The following ROBO2 variants were observed in gnomAD, a reference collection of about 807,000 sequenced individuals.
ROBO2 encodes roundabout guidance receptor 2.
ROBO2 carries 53 observed loss-of-function variants against 160.8 expected under a neutral mutation model. That is an observed-to-expected ratio of 0.33 (90% CI 0.26 to 0.41). ROBO2 has a LOEUF of 0.41. Ranked by LOEUF, ROBO2 falls within the 10% of genes least tolerant of loss-of-function variation. The probability of loss-of-function intolerance (pLI) is 1.00; values close to 1 mark genes in which losing one functional copy is unlikely to be tolerated. For missense variants in ROBO2, 1,577 were observed against 1,722.4 expected (o/e 0.92, Z 1.49); for synonymous variants, 664 against 611.7 (o/e 1.09, Z -1.26).
chr3:76,623,777 C>T (rs2089410378), intron 2 of ROBO2, among the ~76,000 whole-genome samples: 1 of 152,126 alleles, frequency 6.6e-6, no homozygotes, highest in Admixed American at 6.6e-5. Context: ...ATTATCTCAA[C>T]TTTGTAATGT....
intron 2 of ROBO2, among the ~76,000 whole-genome samples, chr3:76,724,537 T>G (rs1576249224): frequency 6.6e-6 from 1 of 152,296 alleles, no homozygotes; most frequent in Admixed American, 6.5e-5. Context: ...ATTCAGAAAT[T>G]TATGATGCCA....
At chr3:76,305,460 G>T (rs2107757881) in intron 2 of ROBO2, among the ~76,000 whole-genome samples, 1 of 127,784 alleles carries the variant, frequency 7.8e-6, no homozygotes, top group South Asian at 2.8e-4. Flanking sequence ...TACATAAAAT[G>T]ATGGCTACAA....
intron 2 of ROBO2, among the ~76,000 whole-genome samples, chr3:77,266,054 A>G (rs1165742212): frequency 6.6e-6 from 1 of 152,164 alleles, no homozygotes; most frequent in African/African-American, 2.4e-5. Context: ...CCAAAAGATT[A>G]CCTAACCCAG....
intron 2 of ROBO2, among the ~76,000 whole-genome samples, chr3:75,954,959 C>A (rs1439430026): frequency 6.6e-6 from 1 of 151,682 alleles, no homozygotes; most frequent in African/African-American, 2.4e-5. Context: ...TCAGGTGAGG[C>A]AATTAGAATG....
At chr3:76,006,104 C>T (rs2066013711) in intron 2 of ROBO2, among the ~76,000 whole-genome samples, 1 of 152,200 alleles carries the variant, frequency 6.6e-6, no homozygotes, top group African/African-American at 2.4e-5. Context: ...ACATCCAATA[C>T]AGAGGTAATA....
At chr3:76,081,161 A>G (rs914999681) in intron 2 of ROBO2, among the ~76,000 whole-genome samples, 3 of 151,606 alleles carry the variant, frequency 2.0e-5, no homozygotes, top group African/African-American at 7.3e-5. Flanking sequence ...TTTTATGTAT[A>G]TATACATATA....
chr3:76,677,969 T>TTTTTTTTTTTTTG (rs2092455823), intron 2 of ROBO2, among the ~76,000 whole-genome samples: 1 of 110,660 alleles, frequency 9.0e-6, no homozygotes, highest in South Asian at 3.4e-4. Context: ...TTTTTTTTTT[T>TTTTTTTTTTTTTG]TTTTTTTTTT....
At chr3:76,080,859 C>A (rs527625934) in intron 2 of ROBO2, among the ~76,000 whole-genome samples, 190 of 152,194 alleles carry the variant, frequency 1.2e-3, no homozygotes, top group African/African-American at 3.0e-3. Context: ...ATATTTAAAG[C>A]ATTCTTAAAA....
chr3:76,974,618 C>T (rs1286955037), intron 2 of ROBO2, among the ~76,000 whole-genome samples: 4 of 152,150 alleles, frequency 2.6e-5, no homozygotes. Context: ...GACACAGCCT[C>T]CTACAGTGTT....
chr3:76,786,850 C>G (rs1455344170), intron 2 of ROBO2, among the ~76,000 whole-genome samples: 4 of 151,210 alleles, frequency 2.6e-5, no homozygotes, highest in Non-Finnish European at 5.9e-5. Context: ...ATGCATTAGT[C>G]CATTCTCACA....
intron 2 of ROBO2, among the ~76,000 whole-genome samples, chr3:77,328,629 T>C (rs752385345): frequency 6.6e-6 from 1 of 152,182 alleles, no homozygotes; most frequent in Admixed American, 6.6e-5. Flanking sequence ...ATGTTAAAAA[T>C]GTAAGAGAGC....
chr3:76,799,906 T>G (rs1260868086), intron 2 of ROBO2, among the ~76,000 whole-genome samples: 5 of 152,128 alleles, frequency 3.3e-5, no homozygotes, highest in Non-Finnish European at 5.9e-5. Flanking sequence ...GGACCCAGAA[T>G]AGCCAAAGCT....
chr3:76,613,039 AT>A (rs1324403091), intron 2 of ROBO2, among the ~76,000 whole-genome samples: 1 of 151,604 alleles, frequency 6.6e-6, no homozygotes, highest in African/African-American at 2.4e-5. Flanking sequence ...TTTTGTTTTC[AT>A]TTTTGTTTTA....
At chr3:77,238,972 C>A (rs918448385) in intron 2 of ROBO2, among the ~76,000 whole-genome samples, 6 of 152,158 alleles carry the variant, frequency 3.9e-5, no homozygotes, top group Admixed American at 6.5e-5. Flanking sequence ...GGACCGCCCA[C>A]CTCCCCAAGA....
intron 2 of ROBO2, among the ~76,000 whole-genome samples, chr3:76,374,317 C>A (rs539999454): frequency 6.6e-6 from 1 of 151,980 alleles, no homozygotes; most frequent in Admixed American, 6.6e-5. Context: ...ATATCTTAAT[C>A]CTTTTTCTGC....
chr3:76,283,752 G>A (rs1181361058), intron 2 of ROBO2, among the ~76,000 whole-genome samples: 1 of 151,920 alleles, frequency 6.6e-6, no homozygotes, highest in African/African-American at 2.4e-5. Context: ...CCCTGAAACA[G>A]TTTTTTACAA....
intron 2 of ROBO2, among the ~76,000 whole-genome samples, chr3:77,379,422 A>G (rs1341271275): frequency 2.0e-5 from 3 of 152,112 alleles, no homozygotes; most frequent in African/African-American, 7.2e-5. Context: ...GTCTCTGTGA[A>G]TGTATTCTGG....
intron 2 of ROBO2, among the ~76,000 whole-genome samples, chr3:76,614,325 G>A (rs56808230): frequency 0.029 from 4,329 of 151,892 alleles, 190 homozygotes; most frequent in African/African-American, 0.095. Context: ...ATATCAAATC[G>A]AGCACTGGAA....
chr3:76,292,536 G>T (rs190868601), intron 2 of ROBO2, among the ~76,000 whole-genome samples: 2 of 152,144 alleles, frequency 1.3e-5, no homozygotes, highest in East Asian at 1.9e-4. Context: ...TTCCATGTGT[G>T]GTTTAAGAAG....
Sources: gnomAD v4.1 joint callset for allele counts (sites outside exome capture counted in the v4.1 genomes callset) on GRCh38, gnomAD v4.1.1 for gene constraint, MANE v1.5 for transcripts, NCBI Gene and HGNC (gene_info 2026-07-23, HGNC 2026-07-21) for gene names.